The following JAG1 variants were observed in gnomAD, a reference collection of about 807,000 sequenced individuals.
The protein encoded by JAG1 is jagged canonical Notch ligand 1.
JAG1 carries 23 observed loss-of-function variants against 148.7 expected under a neutral mutation model. The ratio of observed to expected loss-of-function variants is 0.15; its 90% CI spans 0.11 to 0.22. JAG1 has a LOEUF of 0.22. Ranked by LOEUF, JAG1 falls within the 10% of genes least tolerant of loss-of-function variation. The probability of loss-of-function intolerance (pLI) is 1.00; values close to 1 mark genes in which losing one functional copy is unlikely to be tolerated. For synonymous variants in JAG1, 572 were observed against 598.3 expected (o/e 0.96, Z 0.64); for missense variants, 1,054 against 1,611.2 (o/e 0.65, Z 5.92).
Position 10,648,010 on chromosome 20 carries a change from C to T in JAG1, c.1670G>A (p.Gly557Asp). Reference sequence around the variant, plus strand: ...GTCTTTCAGGTGTGAGCAGTTCTTGCCCTCATAGTCCTCGGGGCACTTGCA... The same window carrying T: ...GTCTTTCAGGTGTGAGCAGTTCTTGTCCTCATAGTCCTCGGGGCACTTGCA... Reference protein sequence around the residue: ...YFCKCPEDYEGKNCSHLKDHC... With the variant: ...YFCKCPEDYEDKNCSHLKDHC... Residue 557 changes from glycine to aspartate, a missense_variant, in exon 13 of 26, where the codon GGC becomes GAC. Gly to Asp is a moderately conservative substitution (Grantham distance 94, BLOSUM62 -1). This residue lies in a region of JAG1 where 245 missense variants were observed against 373.1 expected (regional missense o/e 0.66). Transcript: ENST00000254958. 1 of 1,614,148 alleles carries T rather than the reference C, an allele frequency of 6.2e-7. No individual in the cohort carries two copies. Among genetic ancestry groups the T allele is most frequent in the Non-Finnish European group, 8.5e-7 (1 of 1,180,030 alleles).
intron 3 of JAG1, among the ~76,000 whole-genome samples, chr20:10,659,797 A>G (rs1174416060): frequency 6.6e-6 from 1 of 152,124 alleles, no homozygotes; most frequent in African/African-American, 2.4e-5. Context: ...TACTGAGGAT[A>G]ATAAACACCT....
rs775240101 is a variant in JAG1, at chr20:10,641,609, C to T, written c.2767G>A (p.Asp923Asn). 18 of 1,613,934 alleles carry T rather than the reference C, an allele frequency of 1.1e-5. No homozygotes were observed. Among genetic ancestry groups the T allele is most frequent in the South Asian group, 2.2e-5 (2 of 91,074 alleles). Reference protein sequence around the residue: ...SGQSCIPILDDQCFVHPCTGV... With the variant: ...SGQSCIPILDNQCFVHPCTGV... Reference sequence around the variant, plus strand: ...GTGCAGGGGTGGACGAAGCACTGGTCGTCCAGGATGGGGATGCAGCTCTGC... The same window carrying T: ...GTGCAGGGGTGGACGAAGCACTGGTTGTCCAGGATGGGGATGCAGCTCTGC... Residue 923 changes from aspartate to asparagine, a missense_variant, in exon 23 of 26, where the codon GAC (aspartate) becomes AAC (asparagine). Physicochemically the swap from Asp to Asn is conservative, Grantham distance 23 (BLOSUM62 1). Coordinates refer to ENST00000254958, the MANE Select transcript of JAG1 (RefSeq NM_000214.3).
rs139574260 is a variant in JAG1, at chr20:10,652,228, A to G, written c.909T>C (p.His303=). The change falls in exon 7 of 26, where the codon CAT becomes CAC. Residue 303 remains histidine, a synonymous_variant. Transcript: ENST00000254958. ...AAGTTCCCCCGTTGAGACACGGCTG[A>G]TGAGTCCCACAGTAATTGAGATCTG... ...CDKDLNYCGT[H]QPCLNGGTCS... is the part of the protein sequence containing the mutation. 2,452 of 1,614,102 alleles carry G rather than the reference A, an allele frequency of 1.5e-3. 4 individuals carry two copies. The highest frequency in any genetic ancestry group is 1.9e-3 in the Non-Finnish European group (2,286 of 1,179,970).
chr20:10,652,002 T>G, intron 7 of JAG1, 129 bp downstream of exon 7: 1 of 1,075,690 alleles, frequency 9.3e-7, no homozygotes, highest in Non-Finnish European at 1.4e-6. Flanking sequence ...TATAGAATGG[T>G]TGGGATAAGG....
At chr20:10,667,372 T>C (rs2067462143) in intron 2 of JAG1, among the ~76,000 whole-genome samples, 1 of 152,202 alleles carries the variant, frequency 6.6e-6, no homozygotes. Flanking sequence ...TGTGTTAGCA[T>C]TATTTTTGGA....
rs1453553304 is a variant in JAG1, at chr20:10,646,774, G to A, written c.1885+165C>T. On this transcript the variant is annotated intron_variant, in intron 14 of 25. Transcript: ENST00000254958. ...TGGGAGGCCGAGGTTGTGGTGAGCC[G>A]AGATCGTGCCACTGCACTCTAGCCT... Among the ~76,000 whole-genome samples, 5 of 151,744 alleles carry A rather than the reference G, an allele frequency of 3.3e-5. No homozygotes were observed. In the East Asian group the frequency reaches 5.8e-4, roughly 18 times the overall value.
intron 12 of JAG1, 150 bp downstream of exon 12, chr20:10,648,399 A>AT (rs1421298203): frequency 2.1e-5 from 16 of 760,094 alleles, no homozygotes; most frequent in South Asian, 1.9e-4. Flanking sequence ...TTCCACCAGC[A>AT]TTTGTCTAGC....
At chr20:10,656,347 C>G (rs34742789) in intron 5 of JAG1, 51 bp downstream of exon 5, 5 of 1,438,732 alleles carry the variant, frequency 3.5e-6, no homozygotes, top group Admixed American at 1.7e-5. Flanking sequence ...CAGTTCCTCT[C>G]TTACATAAAG....
chr20:10,651,765 C>A (rs796491010), intron 7 of JAG1, 71 bp from the exon 8 acceptor site: 3 of 930,162 alleles, frequency 3.2e-6, no homozygotes, highest in Admixed American at 3.9e-5. Context: ...CCCCTCCAAC[C>A]GAATCCCACA....
chr20:10,664,607 A>G (rs1568803701), intron 2 of JAG1, among the ~76,000 whole-genome samples: 1 of 152,170 alleles, frequency 6.6e-6, no homozygotes, highest in Non-Finnish European at 1.5e-5. Flanking sequence ...AGGAGGGGGT[A>G]GATGCAAAGT....
intron 2 of JAG1, among the ~76,000 whole-genome samples, chr20:10,667,923 A>C (rs760850320): frequency 5.3e-5 from 8 of 152,176 alleles, no homozygotes; most frequent in Non-Finnish European, 1.2e-4. Context: ...AGCAAGCCTG[A>C]ACAAGAAGCC....
intron 5 of JAG1, among the ~76,000 whole-genome samples, chr20:10,655,442 G>T (rs529198887): frequency 9.2e-5 from 14 of 152,202 alleles, no homozygotes; most frequent in Non-Finnish European, 2.1e-4. Flanking sequence ...GGTTCCATCA[G>T]CAGCATCGCT....
chr20:10,641,959 C>A (rs2067275592), intron 21 of JAG1, 67 bp from the exon 22 acceptor site: 3 of 1,049,684 alleles, frequency 2.9e-6, no homozygotes, highest in Admixed American at 3.4e-5. Context: ...ATTCTTTGGT[C>A]CCTGTTATGA....
intron 3 of JAG1, among the ~76,000 whole-genome samples, chr20:10,660,005 A>G (rs1764810262): frequency 6.6e-6 from 1 of 152,062 alleles, no homozygotes; most frequent in Admixed American, 6.5e-5. Context: ...GCCAGCACCA[A>G]CTCTTCATCA....
In JAG1 at chr20:10,641,516, A is replaced by G; in HGVS notation, c.2860T>C (p.Tyr954His). The G allele has an allele frequency of 6.2e-7, 1 of 1,614,184 alleles. No individual in the cohort carries two copies. The highest frequency in any genetic ancestry group is 1.1e-5 in the South Asian group (1 of 91,084). ...VKTKCTSDSY[Y>H]QDNCANITFT... ...GTGATGTTCGCACAGTTATCCTGGT[A>G]ATAGGAGTCAGAGGTGCACTTTGTC... The change falls in exon 23 of 26, where the codon TAC becomes CAC. Residue 954 changes from tyrosine (Y) to histidine (H), a missense_variant. Coordinates refer to ENST00000254958, the MANE Select transcript of JAG1 (RefSeq NM_000214.3).
In JAG1 at chr20:10,642,472, A is replaced by C; in HGVS notation, c.2572+16T>G. 6.7e-7 allele frequency: 1 copy of C among 1,500,220 alleles called. No homozygotes were observed. The highest frequency in any genetic ancestry group is 9.3e-7 in the Non-Finnish European group (1 of 1,076,014). The allele number at this position is 1,500,220 out of a possible 1,614,324, so 92.9% of individuals were successfully genotyped here. A position where few individuals can be genotyped will look rare whatever the true frequency, so the allele number is the denominator to read the frequency against. The stretch of plus-strand genomic sequence containing the variant: ...CCCCAGAAGACCCATGGGCAGCTGA[A>C]GCCTGGCACACATACCTTCCTGGCA... On this transcript the variant is annotated intron_variant, in intron 21 of 25. Transcript: ENST00000254958.
intron 2 of JAG1, among the ~76,000 whole-genome samples, chr20:10,667,193 C>T (rs1026417739): frequency 2.6e-5 from 4 of 152,214 alleles, no homozygotes; most frequent in Non-Finnish European, 4.4e-5. Context: ...GGCACGCGTG[C>T]GGCGTCCAAA....
chr20:10,640,931 A>T lies in JAG1; in HGVS notation c.3051T>A (p.Ser1017=), dbSNP rs1273929945. ...SANNEIHVAI[S]AEDIRDDGNP... Reference sequence around the variant, plus strand: ...TCCCATCATCCCGTATATCTTCAGCAGACTGGAAAAACAATTGTCAGACTT... The same window carrying T: ...TCCCATCATCCCGTATATCTTCAGCTGACTGGAAAAACAATTGTCAGACTT... The change falls in exon 25 of 26, where the codon TCT becomes TCA. Residue 1017 remains serine (S), a splice_region_variant and synonymous_variant. Transcript: ENST00000254958. 1 of 1,614,194 alleles carries T rather than the reference A, an allele frequency of 6.2e-7. No individual in the cohort carries two copies. The highest frequency in any genetic ancestry group is 8.5e-7 in the Non-Finnish European group (1 of 1,180,004).
chr20:10,640,165 T>C (rs2067260529), intron 25 of JAG1, among the ~76,000 whole-genome samples: 1 of 152,230 alleles, frequency 6.6e-6, no homozygotes, highest in Non-Finnish European at 1.5e-5. Flanking sequence ...CTTGATACTC[T>C]TATCCCTGGA....
Sources: gnomAD v4.1 joint callset for allele counts (sites outside exome capture counted in the v4.1 genomes callset) on GRCh38, gnomAD v4.1.1 for gene constraint, gnomAD v4.1.1 regional missense constraint, MANE v1.5 for transcripts, NCBI Gene and HGNC (gene_info 2026-07-23, HGNC 2026-07-21) for gene names.